KCNN3: variants seen among roughly 807,000 people sequenced by gnomAD.
KCNN3 encodes the protein potassium calcium-activated channel subfamily N member 3.
A neutral mutation model predicts 62.9 loss-of-function variants in KCNN3; 16 were observed. The ratio of observed to expected loss-of-function variants is 0.25; its 90% CI spans 0.17 to 0.39. The LOEUF (loss-of-function observed/expected upper bound fraction) is 0.39. Ranked by LOEUF, KCNN3 falls within the 10% of genes least tolerant of loss-of-function variation. The probability of loss-of-function intolerance (pLI) is 1.00; values close to 1 mark genes in which losing one functional copy is unlikely to be tolerated. For synonymous variants in KCNN3, 370 were observed against 389.2 expected (o/e 0.95, Z 0.58); for missense variants, 599 against 949.4 (o/e 0.63, Z 4.85).
In KCNN3 at chr1:154,869,813, G is replaced by A. The variant is rs756235732; in HGVS notation, c.152C>T (p.Pro51Leu). The stretch of plus-strand genomic sequence containing the variant: ...CAGCGAGGGTCCCAGGGGCTGCTGG[G>A]GGGCTGCTGGTGGCGCTGGCGGTGG... ...QPPPPAPPAA[P>L]QQPLGPSLQP... Residue 51 changes from proline to leucine, a missense_variant, in exon 1 of 8, where the codon CCC becomes CTC. Coordinates refer to ENST00000271915, the MANE Select transcript of KCNN3 (RefSeq NM_002249.6). The surrounding 1 kb of genome is among the most constrained non-coding windows in gnomAD (Gnocchi z 6.1). 4 of 1,522,358 alleles carry A rather than the reference G, an allele frequency of 2.6e-6. 1 individual carries two copies. In the South Asian group the frequency reaches 4.9e-5, roughly 19 times the overall value. The allele number at this position is 1,522,358 out of a possible 1,614,324, so 94.3% of individuals were successfully genotyped here.
chr1:154,762,268 T>G (rs766313576), intron 3 of KCNN3, among the ~76,000 whole-genome samples: 14 of 152,224 alleles, frequency 9.2e-5, no homozygotes, highest in Non-Finnish European at 1.8e-4. Context: ...CTTCTTGCCC[T>G]CAGCGTAAGA....
intron 3 of KCNN3, among the ~76,000 whole-genome samples, chr1:154,770,823 A>G (rs1165016619): frequency 6.6e-6 from 1 of 152,144 alleles, no homozygotes; most frequent in Non-Finnish European, 1.5e-5. Flanking sequence ...TTGGGAGGCC[A>G]AGGTAGGAGG....
chr1:154,745,623 C>A (rs568734548), intron 3 of KCNN3, among the ~76,000 whole-genome samples: 1 of 152,282 alleles, frequency 6.6e-6, no homozygotes, highest in Admixed American at 6.5e-5. Flanking sequence ...AATGGATGCA[C>A]CATTTGAGGG....
chr1:154,727,045 G>C (rs1431615865), intron 4 of KCNN3, among the ~76,000 whole-genome samples: 3 of 152,214 alleles, frequency 2.0e-5, no homozygotes, highest in Non-Finnish European at 4.4e-5. Flanking sequence ...TGGCTTGTGA[G>C]CATAGGGGGA....
chr1:154,789,435 G>A (rs1313890320), intron 2 of KCNN3, among the ~76,000 whole-genome samples: 1 of 152,104 alleles, frequency 6.6e-6, no homozygotes, highest in Non-Finnish European at 1.5e-5. Flanking sequence ...GGGCAGGGGG[G>A]GGCATTATGA....
In KCNN3 at chr1:154,862,695, C is replaced by G. The variant is rs1167219736; in HGVS notation, c.933+6337G>C. ...GCCAGTCCACAATCTCACCCTGATC[C>G]CAGGCCAACCTGGGGTGCCCACACT... On this transcript the variant is annotated intron_variant, in intron 1 of 7. Coordinates refer to ENST00000271915, the MANE Select transcript of KCNN3 (RefSeq NM_002249.6). This position sits in a 1 kb window ranked among gnomAD's most constrained non-coding sequence, Gnocchi z 4.1. Among the ~76,000 whole-genome samples, 5 of 152,080 alleles carry G rather than the reference C, an allele frequency of 3.3e-5. No individual in the cohort carries two copies. The highest frequency in any genetic ancestry group is 7.4e-5 in the Non-Finnish European group (5 of 68,010).
chr1:154,825,363 CATTT>C (rs1651060855), intron 1 of KCNN3, among the ~76,000 whole-genome samples: 1 of 130,390 alleles, frequency 7.7e-6, no homozygotes, highest in Non-Finnish European at 1.6e-5. Context: ...TGATGAGAAT[CATTT>C]TTTTTTTTTT....
At chr1:154,769,595 T>G (rs960978765) in intron 3 of KCNN3, among the ~76,000 whole-genome samples, 2 of 152,222 alleles carry the variant, frequency 1.3e-5, no homozygotes, top group Non-Finnish European at 2.9e-5. Context: ...TAGTCACCCC[T>G]TCTTGTGATA....
chr1:154,720,551 A>C (rs1415997609), intron 5 of KCNN3, among the ~76,000 whole-genome samples: 1 of 150,518 alleles, frequency 6.6e-6, no homozygotes, highest in Non-Finnish European at 1.5e-5. Context: ...TACTAAGAGT[A>C]ATCTTTGAAT....
intron 7 of KCNN3, among the ~76,000 whole-genome samples, chr1:154,711,503 A>AC (rs1700074421): frequency 6.9e-6 from 1 of 144,450 alleles, no homozygotes; most frequent in Non-Finnish European, 1.6e-5. Flanking sequence ...TAATAATAAA[A>AC]CTAAAAAAAA....
At chr1:154,728,192 G>T (rs539564627) in intron 4 of KCNN3, among the ~76,000 whole-genome samples, 2 of 152,114 alleles carry the variant, frequency 1.3e-5, no homozygotes, top group Admixed American at 6.5e-5. Context: ...TGCAGGGGGG[G>T]CTTTTAATGA....
chr1:154,758,832 G>T (rs1647865297), intron 3 of KCNN3, among the ~76,000 whole-genome samples: 1 of 152,050 alleles, frequency 6.6e-6, no homozygotes, highest in South Asian at 2.1e-4. Flanking sequence ...TTTTGAGATG[G>T]AGTCTTGCTC....
At chr1:154,783,526 G>A (rs1649148367) in intron 2 of KCNN3, among the ~76,000 whole-genome samples, 1 of 152,150 alleles carries the variant, frequency 6.6e-6, no homozygotes, top group East Asian at 1.9e-4. Flanking sequence ...GCGAGGAAGA[G>A]ACCATCTTAG....
intron 1 of KCNN3, chr1:154,859,754 T>C (rs1221144126): frequency 6.2e-7 from 1 of 1,614,194 alleles, no homozygotes; most frequent in Admixed American, 1.7e-5. Context: ...TCCTTGCAGA[T>C]GTCGCGTGGC....
At chr1:154,778,953 C>T (rs767280894) in intron 2 of KCNN3, among the ~76,000 whole-genome samples, 52 of 152,142 alleles carry the variant, frequency 3.4e-4, no homozygotes, top group Non-Finnish European at 2.4e-4. Context: ...ATGTACCTTG[C>T]TTTGGCCAGT....
chr1:154,868,303 G>A, intron 1 of KCNN3: 1 of 985,988 alleles, frequency 1.0e-6, no homozygotes, highest in Non-Finnish European at 1.2e-6. Context: ...GCAGCAGCAG[G>A]TTTATTCTGA....
chr1:154,796,525 G>GT (rs1348964682), intron 2 of KCNN3, among the ~76,000 whole-genome samples: 2 of 152,014 alleles, frequency 1.3e-5, no homozygotes, highest in Non-Finnish European at 2.9e-5. Flanking sequence ...TTTTTATTGG[G>GT]TAAAAAAAAA....
At chr1:154,748,066 T>C (rs532536895) in intron 3 of KCNN3, among the ~76,000 whole-genome samples, 4 of 152,330 alleles carry the variant, frequency 2.6e-5, no homozygotes, top group African/African-American at 9.6e-5. Flanking sequence ...GGTTGGTTTG[T>C]CGGTCGGCAG....
chr1:154,847,809 A>G (rs1247950315), intron 1 of KCNN3, among the ~76,000 whole-genome samples: 3 of 152,190 alleles, frequency 2.0e-5, no homozygotes, highest in African/African-American at 7.2e-5. Context: ...CACCTGCGTA[A>G]TTACACCTGT....
Sources: gnomAD v4.1 joint callset for allele counts (sites outside exome capture counted in the v4.1 genomes callset) on GRCh38, gnomAD v4.1.1 for gene constraint, Gnocchi (gnomAD v3.1) non-coding constraint, MANE v1.5 for transcripts, NCBI Gene and HGNC (gene_info 2026-07-23, HGNC 2026-07-21) for gene names.